Variants in CACNA1A observed in about 807,000 individuals in gnomAD.
The protein encoded by CACNA1A is voltage-dependent P/Q-type calcium channel subunit alpha-1A.
A neutral mutation model predicts 262.4 loss-of-function variants in CACNA1A; 57 were observed. The ratio of observed to expected loss-of-function variants is 0.22; its 90% CI spans 0.18 to 0.27. CACNA1A has a LOEUF of 0.27. Among genes scored for constraint, CACNA1A ranks in the 10% least tolerant of loss-of-function variants. The probability of loss-of-function intolerance (pLI) is 1.00; values close to 1 mark genes in which losing one functional copy is unlikely to be tolerated. For synonymous variants in CACNA1A, 1,431 were observed against 1,419.3 expected (o/e 1.01, Z -0.18); for missense variants, 2,526 against 3,562.8 (o/e 0.71, Z 7.41).
At chr19:13,467,813 C>T (rs1174850267) in intron 1 of CACNA1A, among the ~76,000 whole-genome samples, 4 of 151,998 alleles carry the variant, frequency 2.6e-5, no homozygotes, top group Non-Finnish European at 5.9e-5. Context: ...CCACGTTGGC[C>T]AGGCTAGTCT....
intron 4 of CACNA1A, among the ~76,000 whole-genome samples, chr19:13,370,258 G>A (rs1040757643): frequency 6.6e-6 from 1 of 151,610 alleles, no homozygotes; most frequent in Admixed American, 6.6e-5. Context: ...CCGCCACCAC[G>A]CCCGGCTAAG....
intron 1 of CACNA1A, among the ~76,000 whole-genome samples, chr19:13,466,588 A>G (rs1190577363): frequency 6.6e-6 from 1 of 151,782 alleles, no homozygotes; most frequent in Non-Finnish European, 1.5e-5. Context: ...TGATCTGCCC[A>G]CCTCAACCTC....
At chr19:13,373,126 G>A (rs2059352584) in intron 3 of CACNA1A, among the ~76,000 whole-genome samples, 1 of 152,216 alleles carries the variant, frequency 6.6e-6, no homozygotes, top group Non-Finnish European at 1.5e-5. Flanking sequence ...GTTAATGGAA[G>A]GTTGGTCACA....
At chr19:13,441,558 TTGGGAGG>T (rs1568648378) in intron 3 of CACNA1A, among the ~76,000 whole-genome samples, 29 of 151,432 alleles carry the variant, frequency 1.9e-4, no homozygotes, top group African/African-American at 6.8e-4. Flanking sequence ...TCCCAGCTAC[TTGGGAGG>T]CTGAGGTGGG....
chr19:13,244,909 C>T (rs920530247), intron 31 of CACNA1A: 1 of 501,510 alleles, frequency 2.0e-6, no homozygotes, highest in East Asian at 3.2e-5. Context: ...TACTCATCTG[C>T]ATTATTAATT....
intron 25 of CACNA1A, 160 bp from the exon 26 acceptor site, chr19:13,261,770 A>G (rs1403148265): frequency 1.5e-6 from 1 of 669,252 alleles, no homozygotes; most frequent in East Asian, 2.7e-5. Context: ...GCTTTCAGAA[A>G]TAAGCGTTGG....
intron 19 of CACNA1A, among the ~76,000 whole-genome samples, chr19:13,294,217 AAAC>A (rs1600261321): frequency 6.7e-6 from 1 of 149,504 alleles, no homozygotes; most frequent in Non-Finnish European, 1.5e-5. Context: ...AAAAAAAAAA[AAAC>A]AAACAAAACC....
chr19:13,303,448 G>GCCCCCACCCCCA (rs899443049), intron 17 of CACNA1A, 98 bp downstream of exon 17: 2 of 205,306 alleles, frequency 9.7e-6, no homozygotes, highest in African/African-American at 5.7e-5. Context: ...CTGTTCCCAT[G>GCCCCCACCCCCA]CCCCCACCCC....
In CACNA1A at chr19:13,230,112, C is replaced by T; in HGVS notation, c.5498G>A (p.Arg1833His). 2.5e-6 allele frequency: 4 copies of T among 1,613,802 alleles called. 1 individual carries two copies. The highest frequency in any genetic ancestry group is 1.1e-5 in the South Asian group (1 of 91,070). ...TGCGGGGTCATACTCGGCCCAGACA[C>T]GCACGTACTCATCCAGGTGGTGGGG... ...LGPHHLDEYV[R>H]VWAEYDPAAW... is the part of the protein sequence containing the mutation. Residue 1833 changes from arginine (R) to histidine (H), a missense_variant, in exon 36 of 47, where the codon CGT (arginine) becomes CAT (histidine). Transcript: ENST00000360228.
chr19:13,437,081 C>T (rs117577795), intron 3 of CACNA1A, among the ~76,000 whole-genome samples: 9 of 152,292 alleles, frequency 5.9e-5, no homozygotes, highest in Non-Finnish European at 1.3e-4. Context: ...CAGACACAGG[C>T]ACACAGCATG....
chr19:13,434,182 G>C (rs1050965110), intron 3 of CACNA1A, among the ~76,000 whole-genome samples: 4 of 152,126 alleles, frequency 2.6e-5, no homozygotes, highest in African/African-American at 7.2e-5. Flanking sequence ...TTAGAGATAA[G>C]TTTTCGCCCT....
chr19:13,228,813 G>C, intron 36 of CACNA1A: 1 of 1,482,732 alleles, frequency 6.7e-7, no homozygotes, highest in South Asian at 1.2e-5. Context: ...GAGAAGAAAG[G>C]GGGTTAGTGC....
chr19:13,212,848 A>ACACACACACACACACACT lies in CACNA1A; in HGVS notation c.5941-109_5941-108insAGTGTGTGTGTGTGTGTG. On this transcript the variant is annotated intron_variant, in intron 40 of 46. Transcript: ENST00000360228. The surrounding 1 kb of genome is among the most constrained non-coding windows in gnomAD (Gnocchi z 5.6). ...AGTATACACACACACACACACACAC[A>ACACACACACACACACACT]CTCTCTCAGGTCTCATCCATCTAGA... 1.8e-6 allele frequency: 1 copy of ACACACACACACACACACT among 542,122 alleles called. No homozygotes were observed. The highest frequency in any genetic ancestry group is 2.0e-5 in the African/African-American group (1 of 51,094). The allele number at this position is 542,122 out of a possible 1,614,324, so 33.6% of individuals were successfully genotyped here. A position where few individuals can be genotyped will look rare whatever the true frequency, so the allele number is the denominator to read the frequency against.
At chr19:13,290,059 G>A (rs2057497372) in intron 19 of CACNA1A, among the ~76,000 whole-genome samples, 1 of 151,464 alleles carries the variant, frequency 6.6e-6, no homozygotes, top group African/African-American at 2.4e-5. Flanking sequence ...CTCCAGAGTA[G>A]CTGGGACTAC....
Position 13,402,757 on chromosome 19 carries a change from C to CACATATATAT in CACNA1A, c.540-30988_540-30979dup, listed in dbSNP as rs1451727680. ...ACATATATATACACATATATATACA[C>CACATATATAT]ACATATATATACATATATATACATA... On this transcript the variant is annotated intron_variant, in intron 3 of 46. Transcript: ENST00000360228. 8.7e-4 allele frequency among the ~76,000 whole-genome samples: 122 copies of CACATATATAT among 140,824 alleles called. 2 individuals carry two copies. The highest frequency in any genetic ancestry group is 2.6e-3 in the African/African-American group (99 of 37,696). The allele number at this position is 140,824 out of a possible 152,430, so 92.4% of individuals were successfully genotyped here. A position where few individuals can be genotyped will look rare whatever the true frequency, so the allele number is the denominator to read the frequency against.
chr19:13,467,142 T>G (rs1042557054), intron 1 of CACNA1A, among the ~76,000 whole-genome samples: 1 of 152,060 alleles, frequency 6.6e-6, no homozygotes, highest in Non-Finnish European at 1.5e-5. Flanking sequence ...GTACAAAGAA[T>G]GTGTGTGGGA....
intron 3 of CACNA1A, among the ~76,000 whole-genome samples, chr19:13,426,082 T>C (rs1186260902): frequency 2.7e-5 from 4 of 150,634 alleles, no homozygotes; most frequent in South Asian, 2.1e-4. Context: ...CAAAAAATAG[T>C]GTCCCATGGA....
chr19:13,322,913 T>A (rs2058284327), intron 10 of CACNA1A, among the ~76,000 whole-genome samples: 1 of 152,184 alleles, frequency 6.6e-6, no homozygotes, highest in African/African-American at 2.4e-5. Flanking sequence ...CCTATTTTCA[T>A]GTAAGGCCAC....
Position 13,241,662 on chromosome 19 carries a change from G to T in CACNA1A, c.4950+3520C>A. Reference sequence around the variant, plus strand: ...TTCGGTTCCCGGGCGGGGAGTGGGGGTGGTGGTGGCGGTGGGTTGGGAGAT... The same window carrying T: ...TTCGGTTCCCGGGCGGGGAGTGGGGTTGGTGGTGGCGGTGGGTTGGGAGAT... On this transcript the variant is annotated intron_variant, in intron 31 of 46. Transcript: ENST00000360228. The surrounding 1 kb of genome is among the most constrained non-coding windows in gnomAD (Gnocchi z 4.0). 3.0e-6 allele frequency: 2 copies of T among 659,270 alleles called. No individual in the cohort carries two copies. Among genetic ancestry groups the T allele is most frequent in the Non-Finnish European group, 5.5e-6 (2 of 360,918 alleles). 40.8% of individuals were successfully genotyped at this position (659,270 alleles called of 1,614,324 possible).
Sources: gnomAD v4.1 joint callset for allele counts (sites outside exome capture counted in the v4.1 genomes callset) on GRCh38, gnomAD v4.1.1 for gene constraint, Gnocchi (gnomAD v3.1) non-coding constraint, MANE v1.5 for transcripts, NCBI Gene and HGNC (gene_info 2026-07-23, HGNC 2026-07-21) for gene names.